CRAT: variants seen among roughly 807,000 people sequenced by gnomAD.
CRAT encodes carnitine O-acetyltransferase.
A neutral mutation model predicts 73.7 loss-of-function variants in CRAT; 66 were observed. That is an observed-to-expected ratio of 0.90 (90% CI 0.73 to 1.10). The LOEUF is 1.10. CRAT is among the 50% of genes least tolerant of loss of function. The pLI is 0.00. For missense variants in CRAT, 745 were observed against 846.9 expected, an observed-to-expected ratio of 0.88 and a Z score of 1.49; for synonymous variants, 321 against 343.2, an observed-to-expected ratio of 0.94 and a Z score of 0.71.
In CRAT at chr9:129,110,568, GCGCCGC is replaced by G. The variant is rs11278777; in HGVS notation, c.-65_-60del. ...CCGCCCCACACACCGGGCAAAGTCC[GCGCCGC>G]CGCCGCCGCGGCTGGGGTCGGTGGG... On this transcript the variant is annotated 5_prime_UTR_variant, in exon 1 of 14. Coordinates refer to ENST00000318080, the MANE Select transcript of CRAT (RefSeq NM_000755.5). The surrounding 1 kb of genome is among the most constrained non-coding windows in gnomAD (Gnocchi z 5.3). 0.31 allele frequency: 465,976 copies of G among 1,506,768 alleles called. 75,087 individuals carry two copies. The highest frequency in any genetic ancestry group is 0.48 in the African/African-American group (32,450 of 68,256). 93.3% of individuals were successfully genotyped at this position (1,506,768 alleles called of 1,614,324 possible).
chr9:129,100,491 G>A lies in CRAT; in HGVS notation c.984+20C>T, dbSNP rs372350603. 6.2e-4 allele frequency: 994 copies of A among 1,605,102 alleles called. No individual in the cohort carries two copies. Among genetic ancestry groups the A allele is most frequent in the Non-Finnish European group, 7.4e-4 (871 of 1,175,886 alleles). On this transcript the variant is annotated intron_variant, in intron 7 of 13. Coordinates refer to ENST00000318080, the MANE Select transcript of CRAT (RefSeq NM_000755.5). ...CCTGTTCAGGTGTGTGTGAGTGGGC[G>A]AAGCCCTGCCGGGCCTCACCTGCAG...
rs751964279 is a variant in CRAT at position 129,099,942 on chromosome 9, A to G, written c.1009T>C (p.Cys337Arg). The change falls in exon 8 of 14, where the codon TGT (cysteine) becomes CGT (arginine). Residue 337 changes from cysteine (C) to arginine (R), a missense_variant. By Grantham distance (180) the Cys-to-Arg change is radical. Coordinates refer to ENST00000318080, the MANE Select transcript of CRAT (RefSeq NM_000755.5). ...GCAGCATGCTCGTACACAAGCCCAC[A>G]GGAGCCATCTTCTGCCACGATGAAC... ...LQFIVAEDGSCGLVYEHAAAE... is the reference protein window; with the variant it reads ...LQFIVAEDGSRGLVYEHAAAE... 10 of 1,613,032 alleles carry G rather than the reference A, an allele frequency of 6.2e-6. No homozygotes were observed. In the South Asian group the frequency reaches 1.1e-4, roughly 18 times the overall value.
At chr9:129,102,186 G>C (rs570902635) in intron 5 of CRAT, 129 bp from the exon 6 acceptor site, 3 of 1,204,638 alleles carry the variant, frequency 2.5e-6, no homozygotes, top group South Asian at 3.0e-5. Flanking sequence ...AAGGGTGAGA[G>C]GGGGAGGAGG....
Position 129,095,627 on chromosome 9 carries a change from A to G in CRAT, c.1666-15T>C, listed in dbSNP as rs1588438934. On this transcript the variant is annotated splice_polypyrimidine_tract_variant and intron_variant, in intron 13 of 13. Transcript: ENST00000318080. Reference sequence around the variant, plus strand: ...TTGGCAGGGACCTGGGGACGGCAGGATGAAAGCTCTCAGCTCCCCTACCTT... The same window carrying G: ...TTGGCAGGGACCTGGGGACGGCAGGGTGAAAGCTCTCAGCTCCCCTACCTT... 4.3e-6 allele frequency: 7 copies of G among 1,609,328 alleles called. No individual in the cohort carries two copies. The highest frequency in any genetic ancestry group is 3.4e-6 in the Non-Finnish European group (4 of 1,178,274).
intron 6 of CRAT, 21 bp from the exon 7 acceptor site, chr9:129,100,710 G>C: frequency 1.2e-6 from 2 of 1,606,856 alleles, no homozygotes; most frequent in East Asian, 2.2e-5. Context: ...CATGGGGCGG[G>C]GAGACGCAAA....
At chr9:129,108,448 C>T in intron 1 of CRAT, 1 of 1,175,706 alleles carries the variant, frequency 8.5e-7, no homozygotes, top group Non-Finnish European at 1.1e-6. Context: ...GACTGTCCCT[C>T]TTGGAGGTCC....
At position 129,098,653 on chromosome 9, in the gene CRAT, G is replaced by T; in HGVS notation, c.1086-3C>A. 1.9e-6 allele frequency: 3 copies of T among 1,600,668 alleles called. No individual in the cohort carries two copies. The highest frequency in any genetic ancestry group is 1.8e-5 in the Admixed American group (1 of 55,500). ...ACCGCACAAGCTCGGGTTTCTTCCTGCACAGTAAACGGGGCCTCAGGCTCA... is the reference window on the plus strand; with the variant it reads ...ACCGCACAAGCTCGGGTTTCTTCCTTCACAGTAAACGGGGCCTCAGGCTCA... On this transcript the variant is annotated splice_region_variant and splice_polypyrimidine_tract_variant and intron_variant, in intron 8 of 13. Transcript: ENST00000318080.
In CRAT at chr9:129,110,441, A is replaced by G. The variant is rs759955979; in HGVS notation, c.27+42T>C. ...CCGGACGCAACCGCACGGCCCGCCC[A>G]GGCCGTCCAGGGCCCTCAGGCCCGG... On this transcript the variant is annotated intron_variant, in intron 1 of 13. Coordinates refer to ENST00000318080, the MANE Select transcript of CRAT (RefSeq NM_000755.5). This position sits in a 1 kb window ranked among gnomAD's most constrained non-coding sequence, Gnocchi z 5.3. The G allele has an allele frequency of 1.8e-5, 27 of 1,534,568 alleles. No individual in the cohort carries two copies. The highest frequency in any genetic ancestry group is 2.3e-5 in the Non-Finnish European group (26 of 1,148,126).
In CRAT at chr9:129,110,086, G is replaced by T. The variant is rs985766490; in HGVS notation, c.27+397C>A. On this transcript the variant is annotated intron_variant, in intron 1 of 13. Transcript: ENST00000318080. The surrounding 1 kb of genome is among the most constrained non-coding windows in gnomAD (Gnocchi z 5.3). ...TAAACCAAAGGAGTGTGACCAACTG[G>T]ACAGGGTCGGAGGAGTGGCTCTGGC... 4.6e-5 allele frequency among the ~76,000 whole-genome samples: 7 copies of T among 152,156 alleles called. No individual in the cohort carries two copies. Among genetic ancestry groups the T allele is most frequent in the African/African-American group, 1.4e-4 (6 of 41,434 alleles).
At position 129,110,749 on chromosome 9, in the gene CRAT, CCGGGCGGGCAA is replaced by C. The variant is rs1269376210; in HGVS notation, c.-251_-241del. ...GCGGGGCCTGGGCCGGTAGCGGGCC[CCGGGCGGGCAA>C]CGGTGCCCGGGAGGTTGGCTGTGGG... On this transcript the variant is annotated 5_prime_UTR_variant, in exon 1 of 14. Transcript: ENST00000318080. This position sits in a 1 kb window ranked among gnomAD's most constrained non-coding sequence, Gnocchi z 5.3. 1 of 574,090 alleles carries C rather than the reference CCGGGCGGGCAA, an allele frequency of 1.7e-6. No homozygotes were observed. Among genetic ancestry groups the C allele is most frequent in the African/African-American group, 2.0e-5 (1 of 49,180 alleles). 35.6% of individuals were successfully genotyped at this position (574,090 alleles called of 1,614,324 possible).
At position 129,104,172 on chromosome 9, in the gene CRAT, A is replaced by T; in HGVS notation, c.410+16T>A. 6.3e-7 allele frequency: 1 copy of T among 1,592,726 alleles called. No homozygotes were observed. Among genetic ancestry groups the T allele is most frequent in the Non-Finnish European group, 8.6e-7 (1 of 1,168,704 alleles). ...GGGCCCGGCTGCCTCCTGGCCCCCA[A>T]ACCCCAGCCACTCACCGGAGCTGAC... On this transcript the variant is annotated intron_variant, in intron 3 of 13. Coordinates refer to ENST00000318080, the MANE Select transcript of CRAT (RefSeq NM_000755.5).
chr9:129,104,658 G>A (rs1847890257), intron 2 of CRAT, among the ~76,000 whole-genome samples: 1 of 151,756 alleles, frequency 6.6e-6, no homozygotes, highest in Admixed American at 6.6e-5. Flanking sequence ...AGGCTGGAGT[G>A]CAGTGGCGCA....
chr9:129,102,289 GGCA>G, intron 5 of CRAT, 108 bp downstream of exon 5: 1 of 1,456,046 alleles, frequency 6.9e-7, no homozygotes, highest in Non-Finnish European at 9.4e-7. Context: ...CCATTCCTGG[GGCA>G]CGTGGGCACG....
rs574302097 is a variant in CRAT, at chr9:129,102,695, G to A, written c.465-130C>T. 17 of 1,093,022 alleles carry A rather than the reference G, an allele frequency of 1.6e-5. No individual in the cohort carries two copies. The South Asian group carries it at 2.1e-4, about 14-fold the overall frequency. 67.7% of individuals were successfully genotyped at this position (1,093,022 alleles called of 1,614,324 possible). ...CCTGCTCCCACTCCCAGATGAGCAG[G>A]ACACCTCAGGGCTGTGCTGTGGGCA... On this transcript the variant is annotated intron_variant, in intron 4 of 13. Transcript: ENST00000318080.
chr9:129,100,381 C>T, intron 7 of CRAT, 130 bp downstream of exon 7: 1 of 1,167,464 alleles, frequency 8.6e-7, no homozygotes, highest in Non-Finnish European at 1.2e-6. Flanking sequence ...AGCGTCCAGC[C>T]TGCTGGCTTC....
Position 129,104,183 on chromosome 9 carries a change from C to A in CRAT, c.410+5G>T. The A allele has an allele frequency of 6.2e-7, 1 of 1,601,792 alleles. No homozygotes were observed. Among genetic ancestry groups the A allele is most frequent in the Non-Finnish European group, 8.5e-7 (1 of 1,174,270 alleles). The stretch of plus-strand genomic sequence containing the variant: ...CCTCCTGGCCCCCAAACCCCAGCCA[C>A]TCACCGGAGCTGACCCTGCAGGTCC... On this transcript the variant is annotated splice_donor_5th_base_variant and intron_variant, in intron 3 of 13. Coordinates refer to ENST00000318080, the MANE Select transcript of CRAT (RefSeq NM_000755.5).
At position 129,104,303 on chromosome 9, in the gene CRAT, A is replaced by T. The variant is rs1847867710; in HGVS notation, c.295T>A (p.Ser99Thr). ...TAGGCGGTCTTGAGCCACCACTCAG[A>T]CAGCTGGGAAAAGTGCCAGAGCCTG... ...RRARKTENWL[S>T]EWWLKTAYLQ... Residue 99 changes from serine to threonine, a missense_variant, in exon 3 of 14, where the codon TCT (serine) becomes ACT (threonine). Coordinates refer to ENST00000318080, the MANE Select transcript of CRAT (RefSeq NM_000755.5). The T allele has an allele frequency of 6.2e-7, 1 of 1,612,752 alleles. No homozygotes were observed. Among genetic ancestry groups the T allele is most frequent in the Non-Finnish European group, 8.5e-7 (1 of 1,179,226 alleles).
At chr9:129,109,969 A>T (rs1022356763) in intron 1 of CRAT, among the ~76,000 whole-genome samples, 2 of 151,862 alleles carry the variant, frequency 1.3e-5, no homozygotes, top group African/African-American at 2.4e-5. Flanking sequence ...GAGGGAGACC[A>T]TGGGGCTGCC....
At position 129,103,470 on chromosome 9, in the gene CRAT, T is replaced by C. The variant is rs1050178663; in HGVS notation, c.411-404A>G. Among the ~76,000 whole-genome samples the C allele has an allele frequency of 1.3e-5, 2 of 152,134 alleles. No homozygotes were observed. The highest frequency in any genetic ancestry group is 2.9e-5 in the Non-Finnish European group (2 of 68,002). ...ATCGGTTCTGGAGGCCCCGGGCCCC[T>C]GGGGTGGTGTGATGGGAGAGCAGTG... On this transcript the variant is annotated intron_variant, in intron 3 of 13. Coordinates refer to ENST00000318080, the MANE Select transcript of CRAT (RefSeq NM_000755.5). The surrounding 1 kb of genome is among the most constrained non-coding windows in gnomAD (Gnocchi z 4.6).
Sources: allele counts gnomAD v4.1 joint callset (sites outside exome capture counted in the v4.1 genomes callset), GRCh38; gene constraint gnomAD v4.1.1; non-coding constraint Gnocchi (gnomAD v3.1); transcripts MANE v1.5; gene names NCBI Gene and HGNC (gene_info 2026-07-23, HGNC 2026-07-21).